Variants in SIAH2 observed in about 807,000 individuals in gnomAD.
SIAH2 encodes E3 ubiquitin-protein ligase SIAH2.
A neutral mutation model predicts 20.4 loss-of-function variants in SIAH2; 4 were observed. The observed-to-expected ratio is 0.20, with a 90% CI of 0.10 to 0.45. The LOEUF is 0.45. Ranked by LOEUF, SIAH2 falls within the 20% of genes least tolerant of loss-of-function variation. SIAH2 has a pLI of 0.99. For synonymous variants in SIAH2, 171 were observed against 192.5 expected (o/e 0.89, Z 0.93); for missense variants, 259 against 440.3 (o/e 0.59, Z 3.69).
At chr3:150,757,848 C>T (rs1201171679) in intron 1 of SIAH2, among the ~76,000 whole-genome samples, 5 of 152,038 alleles carry the variant, frequency 3.3e-5, no homozygotes, top group African/African-American at 1.2e-4. Flanking sequence ...AGATTTCTGG[C>T]TTTTCTTGAA....
chr3:150,753,901 A>G (rs1330330566), intron 1 of SIAH2, among the ~76,000 whole-genome samples: 1 of 151,094 alleles, frequency 6.6e-6, no homozygotes, highest in Non-Finnish European at 1.5e-5. Context: ...TTTTGTGTAC[A>G]AAGATTTGGT....
intron 1 of SIAH2, among the ~76,000 whole-genome samples, chr3:150,752,781 G>C (rs2108121842): frequency 6.6e-6 from 1 of 152,282 alleles, no homozygotes; most frequent in African/African-American, 2.4e-5. Context: ...GGACCTGCTG[G>C]TACCACTGCC....
At chr3:150,761,688 T>C (rs1027237753) in intron 1 of SIAH2, among the ~76,000 whole-genome samples, 3 of 152,190 alleles carry the variant, frequency 2.0e-5, no homozygotes, top group African/African-American at 2.4e-5. Flanking sequence ...GGCTTGCATT[T>C]TTCGCAAGGG....
rs775809242 is a variant in SIAH2, at chr3:150,742,250, G to A, written c.866C>T (p.Ala289Val). 2.8e-5 allele frequency: 45 copies of A among 1,614,102 alleles called. 1 individual carries two copies. In the South Asian group the frequency reaches 3.0e-4, roughly 11 times the overall value. The change falls in exon 2 of 2, where the codon GCG becomes GTG. Residue 289 changes from alanine to valine, a missense_variant. Ala to Val is a moderately conservative substitution (Grantham distance 64). Transcript: ENST00000312960. This position sits in a 1 kb window ranked among gnomAD's most constrained non-coding sequence, Gnocchi z 4.8. ...AAGGCAGTCGCTGTTCATGATGGCCGCAGCCACACCGTCATGAATCGAACG... is the reference window on the plus strand; with the variant it reads ...AAGGCAGTCGCTGTTCATGATGGCCACAGCCACACCGTCATGAATCGAACG... ...TPRSIHDGVA[A>V]AIMNSDCLVF...
Position 150,762,383 on chromosome 3 carries a change from G to A in SIAH2, c.417+50C>T, listed in dbSNP as rs527578999. The A allele has an allele frequency of 4.5e-6, 7 of 1,567,030 alleles. No homozygotes were observed. The highest frequency in any genetic ancestry group is 1.7e-4 in the Middle Eastern group (1 of 5,952). On this transcript the variant is annotated intron_variant, in intron 1 of 1. Transcript: ENST00000312960. This position sits in a 1 kb window ranked among gnomAD's most constrained non-coding sequence, Gnocchi z 6.6. The stretch of plus-strand genomic sequence containing the variant: ...GCCTGCGAGTGGGCTGGCGGATACC[G>A]GAGTCCCTGAGGTCACCGGCGGAGG...
At position 150,742,707 on chromosome 3, in the gene SIAH2, A is replaced by T; in HGVS notation, c.418-9T>A. On this transcript the variant is annotated splice_polypyrimidine_tract_variant and intron_variant, in intron 1 of 1. Transcript: ENST00000312960. This position sits in a 1 kb window ranked among gnomAD's most constrained non-coding sequence, Gnocchi z 4.8. The stretch of plus-strand genomic sequence containing the variant: ...CAGCCCGTGGTGGCATACTGCAAAG[A>T]AAGAAATGCATTGAGCCATTGGGCC... 6.6e-7 allele frequency: 1 copy of T among 1,521,844 alleles called. No homozygotes were observed. 94.3% of individuals were successfully genotyped at this position (1,521,844 alleles called of 1,614,324 possible).
In SIAH2 at chr3:150,762,283, T is replaced by G; in HGVS notation, c.417+150A>C. The G allele has an allele frequency of 7.0e-7, 1 of 1,431,948 alleles. No homozygotes were observed. The highest frequency in any genetic ancestry group is 9.2e-7 in the Non-Finnish European group (1 of 1,092,382). 88.7% of individuals were successfully genotyped at this position (1,431,948 alleles called of 1,614,324 possible). ...ACCCAGACCTACACCCAAAGTGGGC[T>G]TGAGGGAGGGTGGACGAAGTGTAAA... On this transcript the variant is annotated intron_variant, in intron 1 of 1. Transcript: ENST00000312960. The surrounding 1 kb of genome is among the most constrained non-coding windows in gnomAD (Gnocchi z 6.6).
intron 1 of SIAH2, among the ~76,000 whole-genome samples, chr3:150,743,833 T>C (rs1714153804): frequency 6.6e-6 from 1 of 152,034 alleles, no homozygotes; most frequent in African/African-American, 2.4e-5. Context: ...CTGTAAAGAA[T>C]TAAGAAACCT....
At chr3:150,750,245 G>A (rs932295651) in intron 1 of SIAH2, among the ~76,000 whole-genome samples, 2 of 152,146 alleles carry the variant, frequency 1.3e-5, no homozygotes, top group African/African-American at 4.8e-5. Context: ...AAAGACCACT[G>A]AATGATCACA....
At chr3:150,759,732 C>T (rs1714563348) in intron 1 of SIAH2, among the ~76,000 whole-genome samples, 1 of 151,726 alleles carries the variant, frequency 6.6e-6, no homozygotes, top group Non-Finnish European at 1.5e-5. Flanking sequence ...CTGACCCCTG[C>T]AAAGTAACTG....
intron 1 of SIAH2, among the ~76,000 whole-genome samples, chr3:150,750,571 A>T (rs1323963907): frequency 6.6e-6 from 1 of 152,020 alleles, no homozygotes; most frequent in Non-Finnish European, 1.5e-5. Context: ...ATTTGGAGTG[A>T]GAAGATTTAA....
intron 1 of SIAH2, among the ~76,000 whole-genome samples, chr3:150,756,748 G>A (rs993347788): frequency 6.6e-6 from 1 of 152,168 alleles, no homozygotes; most frequent in Non-Finnish European, 1.5e-5. Context: ...TATACAAAAA[G>A]TAAACTACAA....
chr3:150,744,426 C>A (rs1263043864), intron 1 of SIAH2, among the ~76,000 whole-genome samples: 1 of 152,140 alleles, frequency 6.6e-6, no homozygotes, highest in African/African-American at 2.4e-5. Flanking sequence ...ATTTCTAAAG[C>A]CTGGCTGTAA....
chr3:150,745,742 G>A (rs982699624), intron 1 of SIAH2, among the ~76,000 whole-genome samples: 16 of 152,016 alleles, frequency 1.1e-4, no homozygotes, highest in Admixed American at 1.0e-3. Context: ...TGATCCACCC[G>A]CCACGGCCTC....
chr3:150,745,864 G>C (rs1576580553), intron 1 of SIAH2, among the ~76,000 whole-genome samples: 1 of 152,176 alleles, frequency 6.6e-6, no homozygotes. Context: ...CTCTATCCTA[G>C]AGCACACAGA....
At chr3:150,746,830 A>G (rs1028274544) in intron 1 of SIAH2, among the ~76,000 whole-genome samples, 3 of 152,230 alleles carry the variant, frequency 2.0e-5, no homozygotes, top group Admixed American at 6.5e-5. Flanking sequence ...GGCCCACCCA[A>G]TGAGCACTAC....
Position 150,742,757 on chromosome 3 carries a change from C to A in SIAH2, c.418-59G>T. The A allele has an allele frequency of 1.4e-6, 2 of 1,417,990 alleles. No homozygotes were observed. The highest frequency in any genetic ancestry group is 9.5e-7 in the Non-Finnish European group (1 of 1,049,654). The allele number at this position is 1,417,990 out of a possible 1,614,324, so 87.8% of individuals were successfully genotyped here. A position where few individuals can be genotyped will look rare whatever the true frequency, so the allele number is the denominator to read the frequency against. ...CTTCTCAAAACTTCTATTGCTTCAA[C>A]CCTCTATGAGTACTTAACTACTCCA... On this transcript the variant is annotated intron_variant, in intron 1 of 1. Transcript: ENST00000312960. The surrounding 1 kb of genome is among the most constrained non-coding windows in gnomAD (Gnocchi z 4.8).
rs1576579166 is a variant in SIAH2 at position 150,741,158 on chromosome 3, T to G, written c.*983A>C. The G allele has an allele frequency of 6.6e-6, 1 of 152,536 alleles. No individual in the cohort carries two copies. The highest frequency in any genetic ancestry group is 1.9e-4 in the East Asian group (1 of 5,198). 9.4% of individuals were successfully genotyped at this position (152,536 alleles called of 1,614,324 possible). A position where few individuals can be genotyped will look rare whatever the true frequency, so the allele number is the denominator to read the frequency against. On this transcript the variant is annotated 3_prime_UTR_variant, in exon 2 of 2. Coordinates refer to ENST00000312960, the MANE Select transcript of SIAH2 (RefSeq NM_005067.7). ...TGGAAAATATTTATTAAAAAACTAG[T>G]GAATGTGGCAGAAAAACAAAACCAA... is the stretch of plus-strand genomic sequence containing the variant.
chr3:150,749,819 C>T (rs1167337017), intron 1 of SIAH2, among the ~76,000 whole-genome samples: 3 of 152,126 alleles, frequency 2.0e-5, no homozygotes, highest in African/African-American at 4.8e-5. Context: ...TCTCCATTGT[C>T]CTCTGATCCT....
Sources: allele counts gnomAD v4.1 joint callset (sites outside exome capture counted in the v4.1 genomes callset), GRCh38; gene constraint gnomAD v4.1.1; non-coding constraint Gnocchi (gnomAD v3.1); transcripts MANE v1.5; gene names NCBI Gene and HGNC (gene_info 2026-07-23, HGNC 2026-07-21).